Variants in NUMB observed in about 807,000 individuals in gnomAD.
The protein encoded by NUMB is protein numb homolog.
A neutral mutation model predicts 59.7 loss-of-function variants in NUMB; 29 were observed. The observed-to-expected ratio is 0.49, with a 90% CI of 0.36 to 0.66. The LOEUF (loss-of-function observed/expected upper bound fraction) is 0.66, where lower values mean the gene tolerates loss of function less well. Among genes scored for constraint, NUMB ranks in the 30% least tolerant of loss-of-function variants. The pLI is 0.00. For missense variants in NUMB, 723 were observed against 822.0 expected (o/e 0.88, Z 1.47); for synonymous variants, 288 against 288.2 (o/e 1.00, Z 0.01).
In NUMB at chr14:73,408,550, T is replaced by C. The variant is rs567748921; in HGVS notation, c.-101+1387A>G. 1.1e-3 allele frequency among the ~76,000 whole-genome samples: 174 copies of C among 152,226 alleles called. 1 individual carries two copies. The highest frequency in any genetic ancestry group is 3.6e-3 in the Admixed American group (55 of 15,282). ...TGTTTATAAACTTTTGTCTCTACTT[T>C]TGATTGTAGCAGTATACTGTTTTGT... On this transcript the variant is annotated intron_variant, in intron 2 of 12. Transcript: ENST00000555238.
In NUMB at chr14:73,282,499, T is replaced by G; in HGVS notation, c.956A>C (p.Glu319Ala). 1 of 1,613,282 alleles carries G rather than the reference T, an allele frequency of 6.2e-7. No homozygotes were observed. The highest frequency in any genetic ancestry group is 8.5e-7 in the Non-Finnish European group (1 of 1,179,654). Reference sequence around the variant, plus strand: ...GATGCTCTCTGCCTCCCCTTCTACTTCTGGCACTGCAAGGCAAACAGAAAA... The same window carrying G: ...GATGCTCTCTGCCTCCCCTTCTACTGCTGGCACTGCAAGGCAAACAGAAAA... ...TDFPIKNAVP[E>A]VEGEAESISS... The change falls in exon 11 of 13, where the codon GAA (glutamate) becomes GCA (alanine). Residue 319 changes from glutamate (E) to alanine (A), a missense_variant. Glu to Ala is a moderately radical substitution (Grantham distance 107, BLOSUM62 -1). Transcript: ENST00000555238.
chr14:73,340,345 A>G (rs939699487), intron 4 of NUMB, among the ~76,000 whole-genome samples: 2 of 152,162 alleles, frequency 1.3e-5, no homozygotes, highest in Admixed American at 1.3e-4. Flanking sequence ...ACATCCACTG[A>G]TGCCCAAAAA....
At chr14:73,429,721 T>C (rs1416037510) in intron 1 of NUMB, among the ~76,000 whole-genome samples, 1 of 152,070 alleles carries the variant, frequency 6.6e-6, no homozygotes, top group African/African-American at 2.4e-5. Flanking sequence ...GGCAGGCAGA[T>C]CACTTGAGGC....
intron 1 of NUMB, among the ~76,000 whole-genome samples, chr14:73,445,460 G>A (rs991704996): frequency 2.8e-5 from 4 of 141,844 alleles, no homozygotes; most frequent in Non-Finnish European, 4.5e-5. Context: ...GGACTAGACT[G>A]AAAATGTGAC....
intron 6 of NUMB, among the ~76,000 whole-genome samples, chr14:73,307,036 G>A (rs1246136215): frequency 3.3e-5 from 5 of 152,178 alleles, no homozygotes; most frequent in African/African-American, 7.2e-5. Context: ...GGGGTCAGGC[G>A]TGGTGGCTCA....
At chr14:73,456,066 C>G (rs939147577) in intron 1 of NUMB, among the ~76,000 whole-genome samples, 4 of 151,410 alleles carry the variant, frequency 2.6e-5, no homozygotes, top group African/African-American at 9.7e-5. Flanking sequence ...GGAACCAAAT[C>G]AGAAACTGAA....
intron 1 of NUMB, among the ~76,000 whole-genome samples, chr14:73,444,195 C>G (rs74854916): frequency 4.6e-5 from 7 of 151,904 alleles, no homozygotes; most frequent in Admixed American, 4.6e-4. Flanking sequence ...ATCAGGAGAT[C>G]GAGACCACCC....
rs1052968564 is a variant in NUMB at position 73,326,340 on chromosome 14, C to T, written c.127-3136G>A. On this transcript the variant is annotated intron_variant, in intron 4 of 12. Coordinates refer to ENST00000555238, the MANE Select transcript of NUMB (RefSeq NM_001005743.2). ...CATTGCAGAGGCTTTGAAAACTAAACTGATGGCCGGTCGCGGTGGGTCACG... is the reference window on the plus strand; with the variant it reads ...CATTGCAGAGGCTTTGAAAACTAAATTGATGGCCGGTCGCGGTGGGTCACG... Among the ~76,000 whole-genome samples, 36 of 152,006 alleles carry T rather than the reference C, an allele frequency of 2.4e-4. 1 individual carries two copies. Among genetic ancestry groups the T allele is most frequent in the African/African-American group, 8.5e-4 (35 of 41,396 alleles).
At chr14:73,443,467 C>T (rs575330197) in intron 1 of NUMB, among the ~76,000 whole-genome samples, 3 of 151,854 alleles carry the variant, frequency 2.0e-5, no homozygotes, top group Non-Finnish European at 2.9e-5. Context: ...TGGTGGCGCA[C>T]GCCTGTAATC....
intron 2 of NUMB, among the ~76,000 whole-genome samples, chr14:73,376,321 A>C (rs1294998931): frequency 6.6e-6 from 1 of 152,160 alleles, no homozygotes; most frequent in Non-Finnish European, 1.5e-5. Context: ...TCCAAAAATG[A>C]CTTAAGTATA....
At chr14:73,421,776 C>T (rs965574711) in intron 1 of NUMB, among the ~76,000 whole-genome samples, 1 of 152,126 alleles carries the variant, frequency 6.6e-6, no homozygotes. Context: ...CTGGAAAATT[C>T]GGTGTCTATT....
At chr14:73,362,225 C>G (rs936348809) in intron 3 of NUMB, among the ~76,000 whole-genome samples, 4 of 151,806 alleles carry the variant, frequency 2.6e-5, no homozygotes, top group Non-Finnish European at 5.9e-5. Context: ...CCACTGCACT[C>G]CAGCCTAGGT....
intron 4 of NUMB, among the ~76,000 whole-genome samples, chr14:73,332,428 AT>A (rs1350904896): frequency 3.8e-4 from 57 of 151,428 alleles, no homozygotes; most frequent in Non-Finnish European, 1.0e-4. Context: ...TAATTTTTGT[AT>A]TTTTAGTAGA....
At chr14:73,423,686 T>C (rs1422051653) in intron 1 of NUMB, among the ~76,000 whole-genome samples, 2 of 151,496 alleles carry the variant, frequency 1.3e-5, no homozygotes, top group Non-Finnish European at 2.9e-5. Context: ...GGCACACGCC[T>C]GTAATCCAAG....
At chr14:73,347,020 G>C (rs1892955570) in intron 4 of NUMB, among the ~76,000 whole-genome samples, 1 of 152,032 alleles carries the variant, frequency 6.6e-6, no homozygotes, top group Non-Finnish European at 1.5e-5. Context: ...ATTTTTTAGA[G>C]ACAGGGTCTT....
At chr14:73,412,347 G>C (rs1271818870) in intron 1 of NUMB, among the ~76,000 whole-genome samples, 2 of 152,046 alleles carry the variant, frequency 1.3e-5, no homozygotes, top group African/African-American at 4.8e-5. Flanking sequence ...AGGGGTCTTG[G>C]CTGGGCACGG....
At chr14:73,335,757 A>C (rs1892275274) in intron 4 of NUMB, among the ~76,000 whole-genome samples, 1 of 152,222 alleles carries the variant, frequency 6.6e-6, no homozygotes, top group Non-Finnish European at 1.5e-5. Context: ...GAGAGACTCT[A>C]TAGTCAGCAG....
chr14:73,407,641 G>A (rs1237517691), intron 2 of NUMB, among the ~76,000 whole-genome samples: 1 of 152,176 alleles, frequency 6.6e-6, no homozygotes, highest in Non-Finnish European at 1.5e-5. Context: ...AAATAGTGCT[G>A]AACCGACTCT....
chr14:73,458,402 C>T (rs1884587366), intron 1 of NUMB, 91 bp downstream of exon 1: 1 of 153,220 alleles, frequency 6.5e-6, no homozygotes, highest in Non-Finnish European at 1.5e-5. Context: ...GTCCAGGCCC[C>T]CTTCCTCCGG....
Sources: gnomAD v4.1 joint callset for allele counts (sites outside exome capture counted in the v4.1 genomes callset) on GRCh38, gnomAD v4.1.1 for gene constraint, MANE v1.5 for transcripts, NCBI Gene and HGNC (gene_info 2026-07-23, HGNC 2026-07-21) for gene names.